FAM169A: variants seen among roughly 807,000 people sequenced by gnomAD.
FAM169A encodes family with sequence similarity 169 member A.
FAM169A carries 24 observed loss-of-function variants against 75.7 expected under a neutral mutation model. The ratio of observed to expected loss-of-function variants is 0.32; its 90% CI spans 0.23 to 0.45. The LOEUF (loss-of-function observed/expected upper bound fraction) is 0.45. FAM169A is among the 20% of genes least tolerant of loss of function. The pLI is 1.00. For missense variants in FAM169A, 673 were observed against 784.0 expected (o/e 0.86, Z 1.69); for synonymous variants, 271 against 271.0 (o/e 1.00, Z 0.00).
Position 74,778,482 on chromosome 5 carries a change from G to A in FAM169A, c.*2978C>T, listed in dbSNP as rs1745233732. 6.6e-6 allele frequency: 1 copy of A among 151,982 alleles called. No individual in the cohort carries two copies. Among genetic ancestry groups the A allele is most frequent in the African/African-American group, 2.4e-5 (1 of 41,446 alleles). 9.4% of individuals were successfully genotyped at this position (151,982 alleles called of 1,614,324 possible). On this transcript the variant is annotated 3_prime_UTR_variant, in exon 13 of 13. Transcript: ENST00000687041. ...GGTAGTGTTCTGGAGTCTGCTATAA[G>A]TAAATCTTTAATGACTAGATGTTTT... is the stretch of plus-strand genomic sequence containing the variant.
intron 1 of FAM169A, among the ~76,000 whole-genome samples, chr5:74,843,030 T>C (rs1748964430): frequency 6.6e-6 from 1 of 151,886 alleles, no homozygotes; most frequent in South Asian, 2.1e-4. Flanking sequence ...GACACCAGTC[T>C]TCATACATAC....
At chr5:74,814,157 T>C (rs1257289636) in intron 5 of FAM169A, 138 bp from the exon 6 acceptor site, 1 of 552,830 alleles carries the variant, frequency 1.8e-6, no homozygotes, top group Non-Finnish European at 3.0e-6. Flanking sequence ...TGTTATAATA[T>C]AAAGTGTTTT....
At chr5:74,833,446 C>G (rs1748418064) in intron 5 of FAM169A, among the ~76,000 whole-genome samples, 1 of 152,060 alleles carries the variant, frequency 6.6e-6, no homozygotes, top group Non-Finnish European at 1.5e-5. Context: ...AAGTATTTAC[C>G]TAAAGAAAAA....
At chr5:74,800,522 A>G (rs1338117447) in intron 10 of FAM169A, among the ~76,000 whole-genome samples, 2 of 152,064 alleles carry the variant, frequency 1.3e-5, no homozygotes, top group Non-Finnish European at 2.9e-5. Context: ...CTGGATTGTC[A>G]CACATGAAGT....
rs1194674402 is a variant in FAM169A, at chr5:74,805,524, C to CTTTTT, written c.671-245_671-241dup. Reference sequence around the variant, plus strand: ...AAAAATCCTTTAAAAATGTGCTTCGCTTTTTTTTTTTTTTTTTTTTTTTGG... The same window carrying CTTTTT: ...AAAAATCCTTTAAAAATGTGCTTCGCTTTTTTTTTTTTTTTTTTTTTTTTTTTTGG... On this transcript the variant is annotated intron_variant, in intron 6 of 12. Coordinates refer to ENST00000687041, the MANE Select transcript of FAM169A (RefSeq NM_001376049.1). Among the ~76,000 whole-genome samples the CTTTTT allele has an allele frequency of 3.5e-3, 288 of 81,918 alleles. 28 individuals are homozygous for CTTTTT. The highest frequency in any genetic ancestry group is 0.013 in the African/African-American group (244 of 18,430). The allele number at this position is 81,918 out of a possible 152,430, so 53.7% of individuals were successfully genotyped here.
At chr5:74,839,874 G>A (rs571007162) in intron 3 of FAM169A, among the ~76,000 whole-genome samples, 200 bp downstream of exon 3, 20 of 152,070 alleles carry the variant, frequency 1.3e-4, no homozygotes, top group African/African-American at 4.6e-4. Flanking sequence ...GTCTCAAGAA[G>A]TTCTTTATAG....
chr5:74,791,615 A>G (rs1745980553), intron 11 of FAM169A, among the ~76,000 whole-genome samples: 1 of 152,176 alleles, frequency 6.6e-6, no homozygotes, highest in South Asian at 2.1e-4. Context: ...TCCACAATGG[A>G]GGTAAGGAAG....
chr5:74,785,871 T>A (rs778607804), intron 11 of FAM169A, among the ~76,000 whole-genome samples: 3 of 152,138 alleles, frequency 2.0e-5, no homozygotes, highest in Non-Finnish European at 2.9e-5. Flanking sequence ...CATGGAAAAA[T>A]GCTCAACATC....
intron 1 of FAM169A, among the ~76,000 whole-genome samples, chr5:74,844,545 C>A (rs368107773): frequency 1.4e-4 from 21 of 152,192 alleles, no homozygotes; most frequent in African/African-American, 4.8e-4. Context: ...ATGGGCCAGA[C>A]ACAGTGGCTC....
intron 6 of FAM169A, among the ~76,000 whole-genome samples, chr5:74,813,125 A>G (rs1165404150): frequency 6.6e-6 from 1 of 152,206 alleles, no homozygotes; most frequent in Non-Finnish European, 1.5e-5. Flanking sequence ...GTAAATCTAC[A>G]GAGACAGAAA....
At chr5:74,815,124 C>A (rs1231490547) in intron 5 of FAM169A, among the ~76,000 whole-genome samples, 1 of 151,910 alleles carries the variant, frequency 6.6e-6, no homozygotes, top group East Asian at 1.9e-4. Flanking sequence ...CCGAGACTAC[C>A]GACTAATTTA....
intron 1 of FAM169A, among the ~76,000 whole-genome samples, chr5:74,864,614 C>T (rs1750215371): frequency 6.6e-6 from 1 of 152,274 alleles, no homozygotes; most frequent in South Asian, 2.1e-4. Flanking sequence ...CTTTTAGAAC[C>T]TAAAATCCAC....
chr5:74,810,405 T>C (rs757178404), intron 6 of FAM169A, among the ~76,000 whole-genome samples: 1 of 152,008 alleles, frequency 6.6e-6, no homozygotes, highest in Non-Finnish European at 1.5e-5. Context: ...CAAGGGTCCA[T>C]ATGTTTGTCA....
intron 5 of FAM169A, among the ~76,000 whole-genome samples, chr5:74,821,362 C>G (rs1747757171): frequency 6.6e-6 from 1 of 152,226 alleles, no homozygotes; most frequent in African/African-American, 2.4e-5. Context: ...TCTGCCACAA[C>G]TGAGCAGCTG....
At chr5:74,804,122 A>C (rs772063746) in intron 8 of FAM169A, among the ~76,000 whole-genome samples, 3 of 152,136 alleles carry the variant, frequency 2.0e-5, no homozygotes, top group Non-Finnish European at 4.4e-5. Context: ...CAAGAGAATA[A>C]AAATAAAAAT....
At chr5:74,863,105 T>C (rs1343055702) in intron 1 of FAM169A, among the ~76,000 whole-genome samples, 1 of 151,494 alleles carries the variant, frequency 6.6e-6, no homozygotes, top group African/African-American at 2.4e-5. Flanking sequence ...TTAGCATAGA[T>C]GAGTAGTCCC....
At chr5:74,786,689 A>G (rs1745711094) in intron 11 of FAM169A, among the ~76,000 whole-genome samples, 2 of 152,212 alleles carry the variant, frequency 1.3e-5, no homozygotes, top group Non-Finnish European at 2.9e-5. Context: ...TCAAAAGCAG[A>G]TACTCGCTTT....
intron 6 of FAM169A, among the ~76,000 whole-genome samples, chr5:74,806,193 A>C (rs1258413902): frequency 6.6e-6 from 1 of 152,084 alleles, no homozygotes; most frequent in African/African-American, 2.4e-5. Flanking sequence ...AAATACCAAA[A>C]AACAAACAAA....
chr5:74,845,791 T>A (rs950999111), intron 1 of FAM169A, among the ~76,000 whole-genome samples: 1 of 152,144 alleles, frequency 6.6e-6, no homozygotes, highest in East Asian at 1.9e-4. Flanking sequence ...AACCAGGAGC[T>A]TATGCAAGTA....
Sources: gnomAD v4.1 joint callset for allele counts (sites outside exome capture counted in the v4.1 genomes callset) on GRCh38, gnomAD v4.1.1 for gene constraint, MANE v1.5 for transcripts, NCBI Gene and HGNC (gene_info 2026-07-23, HGNC 2026-07-21) for gene names.